DNAAF9: variants seen among roughly 807,000 people sequenced by gnomAD.
The protein encoded by DNAAF9 is shulin.
In DNAAF9, 90 loss-of-function variants were observed where a neutral mutation model predicts 167.0. The ratio of observed to expected loss-of-function variants is 0.54; its 90% CI spans 0.45 to 0.64. The LOEUF (loss-of-function observed/expected upper bound fraction) is 0.64, where lower values mean the gene tolerates loss of function less well. Ranked by LOEUF, DNAAF9 falls within the 30% of genes least tolerant of loss-of-function variation. The pLI is 0.00. For synonymous variants in DNAAF9, 491 were observed against 508.8 expected, an observed-to-expected ratio of 0.96 and a Z score of 0.47; for missense variants, 1,315 against 1,442.2, an observed-to-expected ratio of 0.91 and a Z score of 1.43.
Position 3,255,235 on chromosome 20 carries a change from T to G in DNAAF9, c.3311A>C (p.Glu1104Ala). ...GGCACTCACGTGGATGCTCCTGATC[T>G]CCTGTTGCGTCAGCATCCCCCTGGT... ...LKTRGMLTQQEIRSIHVKRHL... is the reference protein window; with the variant it reads ...LKTRGMLTQQAIRSIHVKRHL... The change falls in exon 35 of 37, where the codon GAG (glutamate) becomes GCG (alanine). Residue 1104 changes from glutamate (E) to alanine (A), a missense_variant. Around this residue, in one of 2 missense-constraint regions of DNAAF9, gnomAD observed 334 missense variants for 429.7 expected, o/e 0.78. Transcript: ENST00000252032. 6.4e-7 allele frequency: 1 copy of G among 1,550,604 alleles called. No individual in the cohort carries two copies. Among genetic ancestry groups the G allele is most frequent in the African/African-American group, 1.4e-5 (1 of 73,124 alleles).
In DNAAF9 at chr20:3,322,529, C is replaced by T. The variant is rs1045886899; in HGVS notation, c.1310+123G>A. 9.4e-6 allele frequency: 8 copies of T among 855,284 alleles called. No individual in the cohort carries two copies. The African/African-American group carries it at 1.3e-4, about 14-fold the overall frequency. 53.0% of individuals were successfully genotyped at this position (855,284 alleles called of 1,614,324 possible). ...CTGAGCACAGCCAGCCCAAGCCCAACCCTGGAGTGATGTCACTGCTAGGTG... is the reference window on the plus strand; with the variant it reads ...CTGAGCACAGCCAGCCCAAGCCCAATCCTGGAGTGATGTCACTGCTAGGTG... On this transcript the variant is annotated intron_variant, in intron 15 of 36. Coordinates refer to ENST00000252032, the MANE Select transcript of DNAAF9 (RefSeq NM_001009984.3).
At chr20:3,327,714 G>A (rs1251820561) in intron 12 of DNAAF9, among the ~76,000 whole-genome samples, 32 of 152,210 alleles carry the variant, frequency 2.1e-4, no homozygotes, top group Non-Finnish European at 4.4e-5. Context: ...TTAAGTCACA[G>A]AAAATTCATG....
chr20:3,401,493 C>A (rs2083983399), intron 1 of DNAAF9, among the ~76,000 whole-genome samples: 1 of 152,218 alleles, frequency 6.6e-6, no homozygotes, highest in African/African-American at 2.4e-5. Context: ...AGCCACAGCA[C>A]CCGGCTGATG....
intron 6 of DNAAF9, among the ~76,000 whole-genome samples, chr20:3,370,738 G>C (rs1400853118): frequency 1.3e-5 from 2 of 151,914 alleles, no homozygotes; most frequent in East Asian, 3.9e-4. Flanking sequence ...AAATTTTTTT[G>C]TTGCCAGGCT....
At position 3,371,792 on chromosome 20, in the gene DNAAF9, T is replaced by C. The variant is rs531411555; in HGVS notation, c.612+2256A>G. On this transcript the variant is annotated intron_variant, in intron 6 of 36. Transcript: ENST00000252032. ...CATAAACAGATGAATGAATGCTCAC[T>C]GGTTACTCATTATTTAGAGGTTTGC... 2.4e-4 allele frequency among the ~76,000 whole-genome samples: 36 copies of C among 152,298 alleles called. No homozygotes were observed. The East Asian group carries it at 4.1e-3, about 17-fold the overall frequency.
At chr20:3,404,747 T>G (rs530865803) in intron 1 of DNAAF9, among the ~76,000 whole-genome samples, 2 of 152,188 alleles carry the variant, frequency 1.3e-5, no homozygotes, top group East Asian at 1.9e-4. Context: ...AAATTTAAAC[T>G]ATTAAAGAAG....
At chr20:3,388,749 G>C (rs1197521796) in intron 1 of DNAAF9, among the ~76,000 whole-genome samples, 1 of 152,188 alleles carries the variant, frequency 6.6e-6, no homozygotes, top group Non-Finnish European at 1.5e-5. Context: ...CAACTTCACA[G>C]AGACAGAAGG....
intron 20 of DNAAF9, among the ~76,000 whole-genome samples, chr20:3,305,630 C>A (rs1372980396): frequency 6.6e-6 from 1 of 152,188 alleles, no homozygotes; most frequent in African/African-American, 2.4e-5. Context: ...CTGGAGACTG[C>A]AAGCTTTGAG....
intron 7 of DNAAF9, among the ~76,000 whole-genome samples, chr20:3,355,392 T>C (rs1472080842): frequency 2.0e-5 from 3 of 152,070 alleles, no homozygotes; most frequent in Non-Finnish European, 4.4e-5. Context: ...CTGGTCAACA[T>C]GGTAAAACCC....
chr20:3,265,818 C>T (rs944164785), intron 30 of DNAAF9, among the ~76,000 whole-genome samples: 3 of 151,498 alleles, frequency 2.0e-5, no homozygotes, highest in Admixed American at 6.6e-5. Flanking sequence ...GCTGGGACTA[C>T]AGGCACCCAC....
chr20:3,394,475 T>C (rs114266197), intron 1 of DNAAF9, among the ~76,000 whole-genome samples: 39 of 152,378 alleles, frequency 2.6e-4, no homozygotes, highest in African/African-American at 9.4e-4. Flanking sequence ...TCTTCACCTT[T>C]AAGCTTAAGG....
chr20:3,255,101 C>T (rs1382021737), intron 35 of DNAAF9, 118 bp downstream of exon 35: 3 of 648,548 alleles, frequency 4.6e-6, no homozygotes, highest in Non-Finnish European at 8.3e-6. Context: ...CTGGGAGAAG[C>T]AAGACCTCCA....
chr20:3,289,058 A>G (rs2068902762), intron 26 of DNAAF9, among the ~76,000 whole-genome samples: 1 of 152,144 alleles, frequency 6.6e-6, no homozygotes, highest in Non-Finnish European at 1.5e-5. Flanking sequence ...TTAAAATTGG[A>G]ATCTAAGCTG....
At chr20:3,349,071 T>C (rs1568620222) in intron 7 of DNAAF9, among the ~76,000 whole-genome samples, 1 of 151,734 alleles carries the variant, frequency 6.6e-6, no homozygotes, top group Non-Finnish European at 1.5e-5. Flanking sequence ...TTTAAAAGGA[T>C]AGCTAGGAGC....
chr20:3,298,252 A>G, intron 21 of DNAAF9, 77 bp from the exon 22 acceptor site: 1 of 1,175,340 alleles, frequency 8.5e-7, no homozygotes, highest in Non-Finnish European at 1.2e-6. Flanking sequence ...GCCAGAACAC[A>G]CAGGATCAAT....
chr20:3,286,392 T>C (rs2068853752), intron 27 of DNAAF9, among the ~76,000 whole-genome samples: 1 of 152,156 alleles, frequency 6.6e-6, no homozygotes, highest in Non-Finnish European at 1.5e-5. Context: ...TCCGAAGTGA[T>C]GGAAGATGGA....
intron 33 of DNAAF9, among the ~76,000 whole-genome samples, chr20:3,257,178 G>A (rs1016502758): frequency 7.2e-5 from 11 of 152,092 alleles, no homozygotes; most frequent in Non-Finnish European, 1.3e-4. Flanking sequence ...GGAAAAAAGC[G>A]AGGTTAAATT....
intron 11 of DNAAF9, among the ~76,000 whole-genome samples, chr20:3,331,302 G>T (rs938728887): frequency 6.6e-6 from 1 of 152,026 alleles, no homozygotes; most frequent in Non-Finnish European, 1.5e-5. Context: ...CAGTAAACAG[G>T]CTCAGTTCTA....
chr20:3,300,499 A>C (rs190013433), intron 21 of DNAAF9, among the ~76,000 whole-genome samples: 1 of 151,726 alleles, frequency 6.6e-6, no homozygotes, highest in East Asian at 1.9e-4. Context: ...CTCAGGCTAG[A>C]GCACAGTGTG....
Sources: gnomAD v4.1 joint callset for allele counts (sites outside exome capture counted in the v4.1 genomes callset) on GRCh38, gnomAD v4.1.1 for gene constraint, gnomAD v4.1.1 regional missense constraint, MANE v1.5 for transcripts, NCBI Gene and HGNC (gene_info 2026-07-23, HGNC 2026-07-21) for gene names.